MAP2: variants seen among roughly 807,000 people sequenced by gnomAD.
The protein encoded by MAP2 is microtubule-associated protein 2.
A neutral mutation model predicts 137.6 loss-of-function variants in MAP2; 14 were observed. The ratio of observed to expected loss-of-function variants is 0.10; its 90% CI spans 0.07 to 0.16. The LOEUF (loss-of-function observed/expected upper bound fraction) is 0.16, where lower values mean the gene tolerates loss of function less well. Among genes scored for constraint, MAP2 ranks in the 10% least tolerant of loss-of-function variants. MAP2 has a pLI of 1.00. For synonymous variants in MAP2, 786 were observed against 782.3 expected (o/e 1.00, Z -0.08); for missense variants, 2,088 against 2,191.5 (o/e 0.95, Z 0.94).
chr2:209,566,051 G>A (rs563562748), intron 2 of MAP2, among the ~76,000 whole-genome samples: 6 of 152,146 alleles, frequency 3.9e-5, no homozygotes, highest in Non-Finnish European at 5.9e-5. Context: ...CTCACTCAGC[G>A]ACTGCTGACT....
intron 4 of MAP2, among the ~76,000 whole-genome samples, chr2:209,650,455 TTAAAC>T (rs913726709): frequency 2.4e-4 from 37 of 152,146 alleles, no homozygotes; most frequent in African/African-American, 8.2e-4. Flanking sequence ...ACACATAACT[TTAAAC>T]TAATCATTAC....
intron 4 of MAP2, among the ~76,000 whole-genome samples, chr2:209,646,991 T>C (rs2094460321): frequency 6.6e-6 from 1 of 152,180 alleles, no homozygotes; most frequent in South Asian, 2.1e-4. Flanking sequence ...TCACAGGTTG[T>C]ACAGGAAGCA....
chr2:209,595,583 T>C (rs563546729), intron 3 of MAP2, among the ~76,000 whole-genome samples: 4 of 152,342 alleles, frequency 2.6e-5, no homozygotes, highest in Non-Finnish European at 5.9e-5. Flanking sequence ...AGAAATACCA[T>C]TGGATCCAGC....
intron 3 of MAP2, among the ~76,000 whole-genome samples, chr2:209,595,131 A>C (rs952449516): frequency 6.6e-6 from 1 of 152,192 alleles, no homozygotes; most frequent in Non-Finnish European, 1.5e-5. Context: ...AGAAAGACAA[A>C]GTTGAAAGCA....
intron 2 of MAP2, among the ~76,000 whole-genome samples, chr2:209,553,374 T>C (rs899958778): frequency 1.3e-5 from 2 of 152,134 alleles, no homozygotes; most frequent in Non-Finnish European, 2.9e-5. Context: ...CCGTACATCA[T>C]TAAAAGAGAT....
At chr2:209,557,871 AT>A (rs1451565455) in intron 2 of MAP2, among the ~76,000 whole-genome samples, 1 of 152,212 alleles carries the variant, frequency 6.6e-6, no homozygotes, top group Non-Finnish European at 1.5e-5. Flanking sequence ...ATGGTGCCTT[AT>A]GAAAAACTCA....
At chr2:209,455,685 TA>T (rs755181042) in intron 1 of MAP2, among the ~76,000 whole-genome samples, 50 of 152,234 alleles carry the variant, frequency 3.3e-4, no homozygotes, top group Non-Finnish European at 7.3e-5. Flanking sequence ...CTCTGATATA[TA>T]AATAAATTTT....
Position 209,693,791 on chromosome 2 carries a change from G to T in MAP2, c.1621G>T (p.Val541Phe). The change falls in exon 8 of 16, where the codon GTT (valine) becomes TTT (phenylalanine). Residue 541 changes from valine (V) to phenylalanine (F), a missense_variant. Val to Phe is a conservative substitution (Grantham distance 50). Transcript: ENST00000682079. ...SSIQELFEMR[V>F]DDKDKIEGVG... ...AATTCAGGAACTTTTTGAAATGAGA[G>T]TTGATGACAAAGATAAGATTGAAGG... 1 of 1,614,020 alleles carries T rather than the reference G, an allele frequency of 6.2e-7. No individual in the cohort carries two copies.
intron 11 of MAP2, chr2:209,703,838 A>T (rs183727922): frequency 9.1e-4 from 333 of 364,856 alleles, no homozygotes; most frequent in Non-Finnish European, 9.5e-4. Context: ...TACCAAACAT[A>T]AACAATCACA....
intron 1 of MAP2, among the ~76,000 whole-genome samples, chr2:209,454,976 T>C (rs777061164): frequency 1.3e-5 from 2 of 152,192 alleles, no homozygotes; most frequent in Non-Finnish European, 2.9e-5. Flanking sequence ...CTTCCTGGAC[T>C]GTAGACAGCC....
chr2:209,531,737 C>A (rs371547726), intron 2 of MAP2, among the ~76,000 whole-genome samples: 2 of 152,022 alleles, frequency 1.3e-5, no homozygotes, highest in African/African-American at 4.8e-5. Context: ...ACAGGCAATT[C>A]CTCTTTCTAT....
chr2:209,455,379 C>G (rs894431778), intron 1 of MAP2, among the ~76,000 whole-genome samples: 1 of 152,260 alleles, frequency 6.6e-6, no homozygotes, highest in South Asian at 2.1e-4. Context: ...ATTTTAAAGG[C>G]ACATTAAAAT....
intron 4 of MAP2, among the ~76,000 whole-genome samples, chr2:209,629,574 G>A (rs1331152952): frequency 6.6e-6 from 1 of 152,156 alleles, no homozygotes; most frequent in Non-Finnish European, 1.5e-5. Context: ...GTGGCACTCT[G>A]TGTGAATAAT....
chr2:209,446,643 G>A (rs1300351301), intron 1 of MAP2, among the ~76,000 whole-genome samples: 1 of 151,778 alleles, frequency 6.6e-6, no homozygotes, highest in Non-Finnish European at 1.5e-5. Context: ...TATTAAAATA[G>A]GTGGAGGGAA....
At chr2:209,720,903 A>T (rs1451388864) in intron 13 of MAP2, among the ~76,000 whole-genome samples, 1 of 151,946 alleles carries the variant, frequency 6.6e-6, no homozygotes, top group African/African-American at 2.4e-5. Context: ...ATTTATTTAG[A>T]TTTATCCATA....
At chr2:209,564,572 A>C (rs1029013129) in intron 2 of MAP2, among the ~76,000 whole-genome samples, 4 of 151,138 alleles carry the variant, frequency 2.6e-5, no homozygotes, top group East Asian at 1.9e-4. Flanking sequence ...AAAAAAAAAA[A>C]AAAAAAAAAA....
At chr2:209,558,657 CCTT>C (rs1393041894) in intron 2 of MAP2, among the ~76,000 whole-genome samples, 1 of 150,380 alleles carries the variant, frequency 6.6e-6, no homozygotes, top group Admixed American at 6.7e-5. Context: ...TATTCAAATT[CCTT>C]CATTTGTCCC....
intron 5 of MAP2, among the ~76,000 whole-genome samples, chr2:209,669,667 A>G (rs1363221567): frequency 6.6e-6 from 1 of 151,986 alleles, no homozygotes; most frequent in East Asian, 1.9e-4. Context: ...TTTCTCCATA[A>G]GAAACCCTAG....
chr2:209,659,703 A>G (rs1443077249), intron 5 of MAP2, among the ~76,000 whole-genome samples: 1 of 151,976 alleles, frequency 6.6e-6, no homozygotes, highest in Non-Finnish European at 1.5e-5. Flanking sequence ...ATTTTTGACT[A>G]TCTTGAAGTA....
Sources: gnomAD v4.1 joint callset for allele counts (sites outside exome capture counted in the v4.1 genomes callset) on GRCh38, gnomAD v4.1.1 for gene constraint, MANE v1.5 for transcripts, NCBI Gene and HGNC (gene_info 2026-07-23, HGNC 2026-07-21) for gene names.